SHISA9: variants seen among roughly 807,000 people sequenced by gnomAD.
SHISA9 encodes the protein protein shisa-9.
Under a neutral mutation model 38.0 loss-of-function variants are expected in SHISA9, and 13 were observed. The ratio of observed to expected loss-of-function variants is 0.34; its 90% CI spans 0.22 to 0.54. The LOEUF is 0.54. Ranked by LOEUF, SHISA9 falls within the 20% of genes least tolerant of loss-of-function variation. The probability of loss-of-function intolerance (pLI) is 0.91; values close to 1 mark genes in which losing one functional copy is unlikely to be tolerated. For synonymous variants in SHISA9, 275 were observed against 242.0 expected (o/e 1.14, Z -1.27); for missense variants, 538 against 575.8 (o/e 0.93, Z 0.67).
chr16:13,200,214 A>G (rs1221510850), intron 2 of SHISA9, among the ~76,000 whole-genome samples: 1 of 152,034 alleles, frequency 6.6e-6, no homozygotes, highest in Admixed American at 6.6e-5. Context: ...TTTTGCTACA[A>G]GTATTTCCTG....
At chr16:13,153,281 A>C (rs915509750) in intron 2 of SHISA9, among the ~76,000 whole-genome samples, 1 of 152,284 alleles carries the variant, frequency 6.6e-6, no homozygotes, top group African/African-American at 2.4e-5. Context: ...GAAAAAAAAA[A>C]CAAAAAAAAC....
the SHISA9 span, among the ~76,000 whole-genome samples, chr16:13,557,477 C>T: frequency 1.1e-3 from 162 of 152,222 alleles, 1 homozygote; most frequent in East Asian, 0.025. Context: ...TTAGAAGACA[C>T]CCGTGGCAAA....
Position 13,203,476 on chromosome 16 carries a change from C to T in SHISA9, c.774C>T (p.Gly258=), listed in dbSNP as rs532960361. ...ATCCACATTCGTACCCGAACCTGGG[C>T]CAGATCTCCAACCCCTATGAACAGC... ...MGHPHSYPNL[G]QISNPYEQQP... The change falls in exon 3 of 5, where the codon GGC becomes GGT. Residue 258 remains glycine (G), a synonymous_variant. Transcript: ENST00000558583. The T allele has an allele frequency of 6.4e-7, 1 of 1,551,320 alleles. No individual in the cohort carries two copies. Among genetic ancestry groups the T allele is most frequent in the South Asian group, 1.2e-5 (1 of 83,994 alleles).
chr16:13,276,138 G>A, the SHISA9 span, among the ~76,000 whole-genome samples: 3 of 152,000 alleles, frequency 2.0e-5, no homozygotes, highest in Admixed American at 2.0e-4. Context: ...CATCCTTATA[G>A]CTTAACTCCC....
chr16:13,323,625 G>T, the SHISA9 span, among the ~76,000 whole-genome samples: 1 of 152,106 alleles, frequency 6.6e-6, no homozygotes, highest in African/African-American at 2.4e-5. Context: ...CGCACGCCTG[G>T]GGAGGCCTCA....
chr16:12,923,970 C>T (rs149471451), intron 2 of SHISA9, among the ~76,000 whole-genome samples: 2 of 152,142 alleles, frequency 1.3e-5, no homozygotes. Context: ...ATTTGAGTCT[C>T]AGGAGGGGTA....
the SHISA9 span, among the ~76,000 whole-genome samples, chr16:13,373,367 TTG>T: frequency 6.6e-6 from 1 of 152,204 alleles, no homozygotes; most frequent in Non-Finnish European, 1.5e-5. Flanking sequence ...TGCCCAAATC[TTG>T]TCTCTTACCT....
chr16:13,364,412 A>G, the SHISA9 span, among the ~76,000 whole-genome samples: 1 of 152,204 alleles, frequency 6.6e-6, no homozygotes, highest in African/African-American at 2.4e-5. Flanking sequence ...AACAAGAGAT[A>G]TTTTTGCATT....
chr16:13,267,575 T>C, the SHISA9 span, among the ~76,000 whole-genome samples: 1 of 152,320 alleles, frequency 6.6e-6, no homozygotes, highest in East Asian at 1.9e-4. Context: ...CAAAGTGTTC[T>C]GTATTAAAAA....
chr16:13,167,504 A>G (rs1309527701), intron 2 of SHISA9, among the ~76,000 whole-genome samples: 1 of 152,096 alleles, frequency 6.6e-6, no homozygotes, highest in Non-Finnish European at 1.5e-5. Flanking sequence ...GTGTGTCCCC[A>G]CCCAAATCTC....
At position 13,095,040 on chromosome 16, in the gene SHISA9, C is replaced by T. The variant is rs142770360; in HGVS notation, c.692-108354C>T. 6.2e-3 allele frequency among the ~76,000 whole-genome samples: 941 copies of T among 152,292 alleles called. 10 individuals are homozygous for T. The highest frequency in any genetic ancestry group is 0.021 in the African/African-American group (890 of 41,544). On this transcript the variant is annotated intron_variant, in intron 2 of 4. Coordinates refer to ENST00000558583, the MANE Select transcript of SHISA9 (RefSeq NM_001145204.3). ...GATGTGATCAGGCATTTTCTTCCTC[C>T]TTGATAGAGAAAACTTGATAGGTTA... is the stretch of plus-strand genomic sequence containing the variant.
intron 1 of SHISA9, among the ~76,000 whole-genome samples, chr16:12,915,645 A>G (rs999820724): frequency 5.9e-5 from 9 of 152,164 alleles, no homozygotes; most frequent in Admixed American, 1.3e-4. Context: ...ATTGCATATG[A>G]AGGCTCATTC....
the SHISA9 span, among the ~76,000 whole-genome samples, chr16:13,339,165 C>CTTTT: frequency 7.0e-4 from 93 of 132,788 alleles, 2 homozygotes; most frequent in Non-Finnish European, 1.0e-3. Flanking sequence ...CTTATTGTGA[C>CTTTT]TTTTTTTTTT....
chr16:13,017,594 T>G (rs1207912933), intron 2 of SHISA9, among the ~76,000 whole-genome samples: 3 of 125,940 alleles, frequency 2.4e-5, no homozygotes, highest in Admixed American at 1.5e-4. Context: ...TGGTATTGAG[T>G]GTCAATCATA....
chr16:13,440,796 C>T, the SHISA9 span, among the ~76,000 whole-genome samples: 1 of 152,052 alleles, frequency 6.6e-6, no homozygotes, highest in Admixed American at 6.6e-5. Context: ...GTGGCGCGTG[C>T]CTGTAGTCCC....
intron 4 of SHISA9, among the ~76,000 whole-genome samples, chr16:13,218,658 T>A (rs2051193614): frequency 1.3e-5 from 2 of 152,226 alleles, no homozygotes; most frequent in African/African-American, 4.8e-5. Context: ...TTGCCTGCCA[T>A]GTCTCTTTAA....
the SHISA9 span, among the ~76,000 whole-genome samples, chr16:13,342,004 T>A: frequency 6.5e-3 from 984 of 152,184 alleles, 8 homozygotes; most frequent in African/African-American, 0.023. Context: ...ATCCATTGAG[T>A]TTATTCACCA....
At chr16:13,502,142 G>A in the SHISA9 span, among the ~76,000 whole-genome samples, 2 of 152,166 alleles carry the variant, frequency 1.3e-5, no homozygotes, top group African/African-American at 4.8e-5. Context: ...ATATCAGAGA[G>A]TATAATATTT....
the SHISA9 span, among the ~76,000 whole-genome samples, chr16:13,337,448 A>T: frequency 1.3e-5 from 2 of 152,092 alleles, no homozygotes; most frequent in African/African-American, 4.8e-5. Context: ...CTGTGAGTCC[A>T]TTAAACCTCT....
Sources: allele counts gnomAD v4.1 joint callset (sites outside exome capture counted in the v4.1 genomes callset), GRCh38; gene constraint gnomAD v4.1.1; transcripts MANE v1.5; gene names NCBI Gene and HGNC (gene_info 2026-07-23, HGNC 2026-07-21).